SLC30A4: variants seen among roughly 807,000 people sequenced by gnomAD.
SLC30A4 encodes the protein probable proton-coupled zinc antiporter SLC30A4.
In SLC30A4, 20 loss-of-function variants were observed where a neutral mutation model predicts 41.7. That is an observed-to-expected ratio of 0.48 (90% confidence interval 0.34 to 0.70). The LOEUF is 0.70. Among genes scored for constraint, SLC30A4 ranks in the 30% least tolerant of loss-of-function variants. The pLI is 0.01. For synonymous variants in SLC30A4, 181 were observed against 195.9 expected (o/e 0.92, Z 0.64); for missense variants, 441 against 529.3 (o/e 0.83, Z 1.64).
intron 2 of SLC30A4, among the ~76,000 whole-genome samples, chr15:45,520,382 G>C (rs1234956999): frequency 6.6e-6 from 1 of 152,002 alleles, no homozygotes; most frequent in Non-Finnish European, 1.5e-5. Flanking sequence ...CGATTCTCCT[G>C]CTTTAGCCTC....
In SLC30A4 at chr15:45,517,155, A is replaced by T. The variant is rs183967608; in HGVS notation, c.391+4809T>A. Among the ~76,000 whole-genome samples, 536 of 149,110 alleles carry T rather than the reference A, an allele frequency of 3.6e-3. 3 individuals are homozygous for T. Among genetic ancestry groups the T allele is most frequent in the African/African-American group, 0.013 (523 of 40,890 alleles). On this transcript the variant is annotated intron_variant, in intron 2 of 7. Transcript: ENST00000261867. ...CCACTTTGAAATACTCTCTTTTTTA[A>T]AAAAAAAAAATTTGGAACACCTTTT... is the stretch of plus-strand genomic sequence containing the variant.
chr15:45,511,370 A>G, intron 2 of SLC30A4, 86 bp from the exon 3 acceptor site: 1 of 861,984 alleles, frequency 1.2e-6, no homozygotes, highest in Non-Finnish European at 1.7e-6. Flanking sequence ...AATATCCTAC[A>G]AAACATGAAC....
chr15:45,518,521 G>A (rs1437957527), intron 2 of SLC30A4, among the ~76,000 whole-genome samples: 2 of 152,178 alleles, frequency 1.3e-5, no homozygotes, highest in Non-Finnish European at 2.9e-5. Context: ...CAAGGTAAGT[G>A]GTAAAGCCAA....
rs1443685229 is a variant in SLC30A4, at chr15:45,522,405, C to A, written c.-51G>T. The A allele has an allele frequency of 6.6e-7, 1 of 1,512,302 alleles. No individual in the cohort carries two copies. The highest frequency in any genetic ancestry group is 8.8e-7 in the Non-Finnish European group (1 of 1,136,636). The allele number at this position is 1,512,302 out of a possible 1,614,324, so 93.7% of individuals were successfully genotyped here. A position where few individuals can be genotyped will look rare whatever the true frequency, so the allele number is the denominator to read the frequency against. On this transcript the variant is annotated 5_prime_UTR_variant, in exon 2 of 8. Coordinates refer to ENST00000261867, the MANE Select transcript of SLC30A4 (RefSeq NM_013309.6). The stretch of plus-strand genomic sequence containing the variant: ...GGAACGGCTTGGGGGAGGCGGACGG[C>A]CGGCGGCGCCTACTTCACCGGAGCG...
chr15:45,494,675 GA>G (rs1488161547), intron 3 of SLC30A4, among the ~76,000 whole-genome samples: 1 of 151,452 alleles, frequency 6.6e-6, no homozygotes, highest in East Asian at 1.9e-4. Flanking sequence ...GTGGCAGAGC[GA>G]GACTCTGTCT....
Position 45,483,162 on chromosome 15 carries a change from T to G in SLC30A4, c.*2001A>C, listed in dbSNP as rs1331450170. The G allele has an allele frequency of 6.6e-6, 1 of 152,220 alleles. No individual in the cohort carries two copies. Among genetic ancestry groups the G allele is most frequent in the Non-Finnish European group, 1.5e-5 (1 of 68,030 alleles). The allele number at this position is 152,220 out of a possible 1,614,324, so 9.4% of individuals were successfully genotyped here. A position where few individuals can be genotyped will look rare whatever the true frequency, so the allele number is the denominator to read the frequency against. ...CCATCAATCCTTTTATTGACACCATTAACTCCCAACAATCTTATAGGTAAA... is the reference window on the plus strand; with the variant it reads ...CCATCAATCCTTTTATTGACACCATGAACTCCCAACAATCTTATAGGTAAA... On this transcript the variant is annotated 3_prime_UTR_variant, in exon 8 of 8. Transcript: ENST00000261867.
rs1229357477 is a variant in SLC30A4, at chr15:45,501,307, C to CA, written c.538+9830dup. 1.9e-3 allele frequency among the ~76,000 whole-genome samples: 281 copies of CA among 145,262 alleles called. 1 individual carries two copies. Among genetic ancestry groups the CA allele is most frequent in the African/African-American group, 6.5e-3 (257 of 39,818 alleles). On this transcript the variant is annotated intron_variant, in intron 3 of 7. Coordinates refer to ENST00000261867, the MANE Select transcript of SLC30A4 (RefSeq NM_013309.6). ...TGGGCAACAGAGCGAAACTCCATCT[C>CA]AAAAAAAAAAATTATGGAAAAATGT...
intron 3 of SLC30A4, among the ~76,000 whole-genome samples, chr15:45,510,582 C>T (rs1465377124): frequency 6.6e-6 from 1 of 152,156 alleles, no homozygotes; most frequent in Non-Finnish European, 1.5e-5. Flanking sequence ...AACAGTAATA[C>T]AGTAAGAAGC....
In SLC30A4 at chr15:45,485,065, C is replaced by A; in HGVS notation, c.*98G>T. On this transcript the variant is annotated 3_prime_UTR_variant, in exon 8 of 8. Coordinates refer to ENST00000261867, the MANE Select transcript of SLC30A4 (RefSeq NM_013309.6). ...AGACTGATGCTTGATACGGACACAG[C>A]TGTCAGGGATTCCATTTTCTCATTT... 1.1e-6 allele frequency: 1 copy of A among 878,744 alleles called. No individual in the cohort carries two copies. Among genetic ancestry groups the A allele is most frequent in the South Asian group, 1.7e-5 (1 of 60,602 alleles). 54.4% of individuals were successfully genotyped at this position (878,744 alleles called of 1,614,324 possible).
At chr15:45,500,012 C>A (rs947413822) in intron 3 of SLC30A4, among the ~76,000 whole-genome samples, 2 of 152,180 alleles carry the variant, frequency 1.3e-5, no homozygotes, top group African/African-American at 4.8e-5. Context: ...TGAACTGTTA[C>A]ATTGCAAATA....
At chr15:45,514,448 C>T (rs536256910) in intron 2 of SLC30A4, among the ~76,000 whole-genome samples, 6 of 150,812 alleles carry the variant, frequency 4.0e-5, no homozygotes, top group East Asian at 1.9e-4. Flanking sequence ...TTGATGATTT[C>T]GTAGCCTTTG....
At chr15:45,507,573 C>T (rs1252739431) in intron 3 of SLC30A4, among the ~76,000 whole-genome samples, 1 of 151,024 alleles carries the variant, frequency 6.6e-6, no homozygotes, top group Non-Finnish European at 1.5e-5. Context: ...CTGCAACCTC[C>T]ACCTCCCAAG....
chr15:45,505,476 G>A lies in SLC30A4; in HGVS notation c.538+5662C>T, dbSNP rs1278389639. The stretch of plus-strand genomic sequence containing the variant: ...AAATTCCCAGGAAATCTAATTTTCT[G>A]CTTCCTCATGCAGAATCCCAAGACA... On this transcript the variant is annotated intron_variant, in intron 3 of 7. Transcript: ENST00000261867. Among the ~76,000 whole-genome samples the A allele has an allele frequency of 7.2e-5, 11 of 152,124 alleles. 1 individual carries two copies. Among genetic ancestry groups the A allele is most frequent in the Admixed American group, 6.5e-4 (10 of 15,276 alleles).
At chr15:45,494,021 GA>G (rs1208903514) in intron 3 of SLC30A4, among the ~76,000 whole-genome samples, 1 of 152,042 alleles carries the variant, frequency 6.6e-6, no homozygotes. Context: ...AAGACCAAAT[GA>G]AATATACAAA....
chr15:45,517,209 T>A (rs958399178), intron 2 of SLC30A4, among the ~76,000 whole-genome samples: 2 of 151,928 alleles, frequency 1.3e-5, no homozygotes, highest in Non-Finnish European at 1.5e-5. Flanking sequence ...AAAGTTGGAG[T>A]TCCTAGAGAC....
chr15:45,518,101 T>C (rs893807531), intron 2 of SLC30A4, among the ~76,000 whole-genome samples: 2 of 152,248 alleles, frequency 1.3e-5, no homozygotes, highest in Non-Finnish European at 2.9e-5. Flanking sequence ...GAAGCCAAAC[T>C]GGCCTTCTTT....
At chr15:45,497,423 A>C (rs1222496549) in intron 3 of SLC30A4, 4 of 152,156 alleles carry the variant, frequency 2.6e-5, no homozygotes, top group Admixed American at 6.5e-5. Context: ...TACATAATTA[A>C]ATCACTCCAC....
chr15:45,492,892 C>A (rs186889977), intron 3 of SLC30A4, among the ~76,000 whole-genome samples: 104 of 152,126 alleles, frequency 6.8e-4, no homozygotes, highest in African/African-American at 2.5e-3. Flanking sequence ...TGCTTTTGTA[C>A]CATTTGAGTT....
Position 45,512,885 on chromosome 15 carries a change from T to C in SLC30A4, c.392-1601A>G, listed in dbSNP as rs569947838. Among the ~76,000 whole-genome samples the C allele has an allele frequency of 1.8e-4, 27 of 152,190 alleles. No individual in the cohort carries two copies. The East Asian group carries it at 5.0e-3, about 28-fold the overall frequency. ...GCTTATGCCTGTAATACCAGCTGTT[T>C]GGGAGGCCGAGGTGGGAGAACTGCT... On this transcript the variant is annotated intron_variant, in intron 2 of 7. Coordinates refer to ENST00000261867, the MANE Select transcript of SLC30A4 (RefSeq NM_013309.6).
Sources: allele counts gnomAD v4.1 joint callset (sites outside exome capture counted in the v4.1 genomes callset), GRCh38; gene constraint gnomAD v4.1.1; transcripts MANE v1.5; gene names NCBI Gene and HGNC (gene_info 2026-07-23, HGNC 2026-07-21).